PTPRD: variants seen among roughly 807,000 people sequenced by gnomAD.
PTPRD encodes receptor-type tyrosine-protein phosphatase delta.
A neutral mutation model predicts 214.5 loss-of-function variants in PTPRD; 34 were observed. That is an observed-to-expected ratio of 0.16 (90% CI 0.12 to 0.21). The LOEUF (loss-of-function observed/expected upper bound fraction) is 0.21, where lower values mean the gene tolerates loss of function less well. PTPRD is among the 10% of genes least tolerant of loss of function. PTPRD has a pLI of 1.00. For synonymous variants in PTPRD, 1,128 were observed against 845.7 expected (o/e 1.33, Z -5.79); for missense variants, 2,545 against 2,398.7 (o/e 1.06, Z -1.27).
chr9:8,583,013 T>G (rs11790493), intron 14 of PTPRD, among the ~76,000 whole-genome samples: 13 of 151,934 alleles, frequency 8.6e-5, no homozygotes, highest in Admixed American at 3.3e-4. Context: ...GATTAATAAA[T>G]TGGGGGTTAT....
At chr9:10,118,645 C>G (rs2098750214) in intron 3 of PTPRD, among the ~76,000 whole-genome samples, 2 of 151,252 alleles carry the variant, frequency 1.3e-5, no homozygotes, top group African/African-American at 4.8e-5. Context: ...GCTATGAGCT[C>G]AAAATAAGAT....
intron 2 of PTPRD, among the ~76,000 whole-genome samples, chr9:10,355,821 G>C (rs1313744113): frequency 2.0e-5 from 3 of 151,906 alleles, no homozygotes; most frequent in Non-Finnish European, 4.4e-5. Context: ...AAAACATAGA[G>C]TATGAAAGAA....
chr9:10,124,658 A>G (rs1563966533), intron 3 of PTPRD, among the ~76,000 whole-genome samples: 1 of 152,176 alleles, frequency 6.6e-6, no homozygotes, highest in Non-Finnish European at 1.5e-5. Flanking sequence ...ATAACTTTTT[A>G]AGTATGTTAT....
At chr9:9,997,964 G>C (rs2096186003) in intron 4 of PTPRD, among the ~76,000 whole-genome samples, 1 of 151,642 alleles carries the variant, frequency 6.6e-6, no homozygotes, top group Non-Finnish European at 1.5e-5. Flanking sequence ...GACACACCTG[G>C]TGATACCAAT....
At chr9:8,653,513 C>T (rs2096853257) in intron 12 of PTPRD, among the ~76,000 whole-genome samples, 1 of 152,244 alleles carries the variant, frequency 6.6e-6, no homozygotes, top group South Asian at 2.1e-4. Context: ...AGTATATTTC[C>T]ACACAGTTCC....
At chr9:9,856,668 G>A (rs1360001339) in intron 5 of PTPRD, among the ~76,000 whole-genome samples, 2 of 151,888 alleles carry the variant, frequency 1.3e-5, no homozygotes, top group Non-Finnish European at 2.9e-5. Context: ...GAAAACCTTT[G>A]GTGGGAATTT....
intron 2 of PTPRD, among the ~76,000 whole-genome samples, chr9:10,395,669 G>A (rs1275597502): frequency 6.6e-6 from 1 of 151,756 alleles, no homozygotes; most frequent in Admixed American, 6.6e-5. Flanking sequence ...ACCTCTCAGG[G>A]CCAAATTAAT....
At chr9:9,198,936 T>C (rs528132972) in intron 9 of PTPRD, among the ~76,000 whole-genome samples, 90 of 152,312 alleles carry the variant, frequency 5.9e-4, no homozygotes, top group East Asian at 2.5e-3. Context: ...TCCAGATTCA[T>C]CAAGCAACTT....
chr9:9,445,454 A>G (rs2090052742), intron 8 of PTPRD, among the ~76,000 whole-genome samples: 1 of 152,160 alleles, frequency 6.6e-6, no homozygotes, highest in Non-Finnish European at 1.5e-5. Context: ...ATGCTGCTAT[A>G]AAGAACTGCT....
At chr9:8,965,430 T>G (rs2099187726) in intron 11 of PTPRD, among the ~76,000 whole-genome samples, 1 of 151,910 alleles carries the variant, frequency 6.6e-6, no homozygotes, top group African/African-American at 2.4e-5. Context: ...GATCTGTCAG[T>G]GAAGTGTTGA....
intron 30 of PTPRD, among the ~76,000 whole-genome samples, chr9:8,478,885 T>A (rs965785863): frequency 6.6e-6 from 1 of 152,204 alleles, no homozygotes; most frequent in East Asian, 1.9e-4. Flanking sequence ...GACCTCCTCA[T>A]TAACTTGGCC....
intron 7 of PTPRD, among the ~76,000 whole-genome samples, chr9:9,690,185 A>C (rs1211205101): frequency 6.6e-6 from 1 of 151,792 alleles, no homozygotes; most frequent in Non-Finnish European, 1.5e-5. Context: ...AAGCCATTTT[A>C]AGTGGAGTGA....
At chr9:10,493,346 C>G (rs886742270) in intron 2 of PTPRD, among the ~76,000 whole-genome samples, 4 of 152,188 alleles carry the variant, frequency 2.6e-5, no homozygotes, top group African/African-American at 9.6e-5. Flanking sequence ...TGAATTCAAA[C>G]TATACTACAA....
intron 2 of PTPRD, among the ~76,000 whole-genome samples, chr9:10,524,070 G>A (rs549223629): frequency 1.8e-4 from 28 of 152,062 alleles, no homozygotes; most frequent in African/African-American, 6.7e-4. Context: ...GTCCTCACGT[G>A]AACTTTCCTT....
Position 9,848,843 on chromosome 9 carries a change from A to G in PTPRD, c.-367-81992T>C, listed in dbSNP as rs1599675246. ...TAGCTATTTGATCTTCAAGATGCCT[A>G]AGTATTAAATGTAAATCAATTGCCT... On this transcript the variant is annotated intron_variant, in intron 5 of 45. Coordinates refer to ENST00000381196, the MANE Select transcript of PTPRD (RefSeq NM_002839.4). Among the ~76,000 whole-genome samples, 4 of 152,234 alleles carry G rather than the reference A, an allele frequency of 2.6e-5. No homozygotes were observed. The South Asian group carries it at 8.3e-4, about 32-fold the overall frequency.
chr9:8,543,859 G>A (rs954799777), intron 14 of PTPRD, among the ~76,000 whole-genome samples: 3 of 151,592 alleles, frequency 2.0e-5, no homozygotes, highest in Non-Finnish European at 2.9e-5. Flanking sequence ...CTACAGCTGC[G>A]TGCCACAACA....
intron 12 of PTPRD, among the ~76,000 whole-genome samples, chr9:8,649,002 G>A (rs1280292052): frequency 1.3e-5 from 2 of 152,130 alleles, no homozygotes; most frequent in African/African-American, 2.4e-5. Context: ...TGCAAATTGG[G>A]TCACACAGGA....
chr9:10,162,718 T>C (rs1290345909), intron 3 of PTPRD, among the ~76,000 whole-genome samples: 4 of 146,274 alleles, frequency 2.7e-5, no homozygotes, highest in African/African-American at 4.9e-5. Flanking sequence ...CGTATATATA[T>C]ACATATACAT....
chr9:8,919,375 G>C (rs539978990), intron 11 of PTPRD, among the ~76,000 whole-genome samples: 46 of 135,558 alleles, frequency 3.4e-4, no homozygotes, highest in African/African-American at 1.2e-3. Context: ...CTGTGGGACA[G>C]AGTGAGACCC....
Sources: allele counts gnomAD v4.1 joint callset (sites outside exome capture counted in the v4.1 genomes callset), GRCh38; gene constraint gnomAD v4.1.1; transcripts MANE v1.5; gene names NCBI Gene and HGNC (gene_info 2026-07-23, HGNC 2026-07-21).